The following USP33 variants were observed in gnomAD, a reference collection of about 807,000 sequenced individuals.
USP33 encodes the protein ubiquitin specific peptidase 33.
Under a neutral mutation model 124.2 loss-of-function variants are expected in USP33, and 46 were observed. The observed-to-expected ratio is 0.37, with a 90% CI of 0.29 to 0.47. USP33 has a LOEUF of 0.47. USP33 is among the 20% of genes least tolerant of loss of function. The pLI is 0.99. For missense variants in USP33, 851 were observed against 1,070.6 expected, an observed-to-expected ratio of 0.79 and a Z score of 2.86; for synonymous variants, 350 against 352.3, an observed-to-expected ratio of 0.99 and a Z score of 0.07.
chr1:77,717,248 G>A (rs186894940), intron 17 of USP33, among the ~76,000 whole-genome samples: 2,022 of 152,106 alleles, frequency 0.013, 41 homozygotes, highest in African/African-American at 0.047. Context: ...CCACCACTTC[G>A]GGAGGCCGAG....
chr1:77,740,840 T>C, intron 4 of USP33, 37 bp downstream of exon 4: 1 of 1,471,816 alleles, frequency 6.8e-7, no homozygotes, highest in South Asian at 1.3e-5. Context: ...AGGCACTTTT[T>C]TTAACAAGTC....
At position 77,725,700 on chromosome 1, in the gene USP33, C is replaced by A; in HGVS notation, c.1198G>T (p.Gly400Cys). The A allele has an allele frequency of 6.2e-7, 1 of 1,614,040 alleles. No individual in the cohort carries two copies. Among genetic ancestry groups the A allele is most frequent in the Non-Finnish European group, 8.5e-7 (1 of 1,179,992 alleles). ...STPQILPSNE[G>C]VNPRLSASPP... Reference sequence around the variant, plus strand: ...CTTGCCGATAAACGTGGATTAACACCTTCATTTGATGGAAGGATCTGTGGT... The same window carrying A: ...CTTGCCGATAAACGTGGATTAACACATTCATTTGATGGAAGGATCTGTGGT... Residue 400 changes from glycine to cysteine, a missense_variant, in exon 11 of 24, where the codon GGT (glycine) becomes TGT (cysteine). Gly to Cys is a radical substitution (Grantham distance 159). Around this residue, in one of 4 missense-constraint regions of USP33, gnomAD observed 207 missense variants for 200.9 expected, o/e 1.03. Transcript: ENST00000370794.
In USP33 at chr1:77,734,435, C is replaced by T; in HGVS notation, c.455-19G>A. The T allele has an allele frequency of 6.8e-7, 1 of 1,473,416 alleles. No individual in the cohort carries two copies. The highest frequency in any genetic ancestry group is 1.2e-5 in the South Asian group (1 of 81,076). 91.3% of individuals were successfully genotyped at this position (1,473,416 alleles called of 1,614,324 possible). A position where few individuals can be genotyped will look rare whatever the true frequency, so the allele number is the denominator to read the frequency against. On this transcript the variant is annotated intron_variant, in intron 6 of 23. Coordinates refer to ENST00000370794, the MANE Select transcript of USP33 (RefSeq NM_201624.3). ...GTAAGACCTATTAAGAAAAAATATA[C>T]ATGAAGTCATCATTCAATAATGCAA...
chr1:77,717,922 A>G lies in USP33; in HGVS notation c.1863T>C (p.Ala621=). ...ACAGAAGATCATATGTCACAATTTG[A>G]GCTGGACTATCCTTAGCAAGAAATG... The part of the protein sequence containing the change: ...LQPFLAKDSP[A]QIVTYDLLSV... Residue 621 remains alanine, a synonymous_variant, in exon 17 of 24, where the codon GCT becomes GCC. Transcript: ENST00000370794. 6.2e-7 allele frequency: 1 copy of G among 1,613,790 alleles called. No homozygotes were observed. Among genetic ancestry groups the G allele is most frequent in the Non-Finnish European group, 8.5e-7 (1 of 1,179,862 alleles).
chr1:77,710,062 T>C (rs932884293), intron 21 of USP33, among the ~76,000 whole-genome samples: 2 of 152,194 alleles, frequency 1.3e-5, no homozygotes, highest in African/African-American at 4.8e-5. Flanking sequence ...ATTACACGTA[T>C]GTCTTGATCA....
At position 77,720,600 on chromosome 1, in the gene USP33, T is replaced by G. The variant is rs1676465258; in HGVS notation, c.1691+572A>C. 3.0e-6 allele frequency: 3 copies of G among 985,334 alleles called. No homozygotes were observed. In the South Asian group the frequency reaches 1.4e-4, roughly 46 times the overall value. The allele number at this position is 985,334 out of a possible 1,614,324, so 61.0% of individuals were successfully genotyped here. On this transcript the variant is annotated intron_variant, in intron 15 of 23. Coordinates refer to ENST00000370794, the MANE Select transcript of USP33 (RefSeq NM_201624.3). ...GCCGTTGCATTCCTATTACAGAGATTGAGAAGAAATTTCCAGTTCACTTTG... is the reference window on the plus strand; with the variant it reads ...GCCGTTGCATTCCTATTACAGAGATGGAGAAGAAATTTCCAGTTCACTTTG...
chr1:77,759,007 T>C (rs1283377310), intron 1 of USP33, among the ~76,000 whole-genome samples: 1 of 152,146 alleles, frequency 6.6e-6, no homozygotes, highest in African/African-American at 2.4e-5. Context: ...AATATTCAAA[T>C]GAAGAGCGTT....
At chr1:77,698,418 T>C (rs1367239252) in intron 22 of USP33, among the ~76,000 whole-genome samples, 1 of 151,706 alleles carries the variant, frequency 6.6e-6, no homozygotes, top group Non-Finnish European at 1.5e-5. Flanking sequence ...TCGTTTTTAG[T>C]TCTTAGTTCC....
chr1:77,729,062 G>C (rs1300299037), intron 9 of USP33, among the ~76,000 whole-genome samples: 3 of 152,126 alleles, frequency 2.0e-5, no homozygotes, highest in African/African-American at 7.2e-5. Flanking sequence ...ACCACACCTG[G>C]TTGATACATA....
chr1:77,698,002 C>T (rs1051239560), intron 22 of USP33, 71 bp from the exon 23 acceptor site: 1 of 1,267,202 alleles, frequency 7.9e-7, no homozygotes, highest in Non-Finnish European at 1.1e-6. Context: ...TTGTGCTTGA[C>T]AAAATTGTGA....
chr1:77,716,248 T>TG (rs2101322435), intron 17 of USP33, among the ~76,000 whole-genome samples: 1 of 152,146 alleles, frequency 6.6e-6, no homozygotes, highest in South Asian at 2.1e-4. Context: ...TTTTTACAGA[T>TG]GGGGTCTTGC....
rs192373198 is a variant in USP33, at chr1:77,730,910, C to A, written c.525-179G>T. Among the ~76,000 whole-genome samples, 456 of 152,244 alleles carry A rather than the reference C, an allele frequency of 3.0e-3. 2 individuals are homozygous for A. The highest frequency in any genetic ancestry group is 0.01 in the African/African-American group (436 of 41,552). On this transcript the variant is annotated intron_variant, in intron 7 of 23. Transcript: ENST00000370794. ...CTCAATCCATTCAAATCAGATTTGG[C>A]CCCAGCATATCAAGAGTCCTCCATG... is the stretch of plus-strand genomic sequence containing the variant.
At chr1:77,747,240 CT>C (rs752560478) in intron 1 of USP33, among the ~76,000 whole-genome samples, 1,966 of 103,858 alleles carry the variant, frequency 0.019, 22 homozygotes, top group South Asian at 0.11. Flanking sequence ...GGCTTCTGGG[CT>C]TTTTTTTTTT....
intron 21 of USP33, among the ~76,000 whole-genome samples, chr1:77,711,220 T>C (rs971517574): frequency 4.7e-5 from 7 of 149,218 alleles, no homozygotes; most frequent in Admixed American, 4.0e-4. Flanking sequence ...GTATTGTCAA[T>C]CCATAAAAGC....
At chr1:77,737,027 G>A (rs954547894) in intron 5 of USP33, among the ~76,000 whole-genome samples, 1 of 151,682 alleles carries the variant, frequency 6.6e-6, no homozygotes, top group Non-Finnish European at 1.5e-5. Flanking sequence ...TTAGCCAAAT[G>A]CTAGTAAACA....
intron 1 of USP33, among the ~76,000 whole-genome samples, chr1:77,753,327 C>T (rs1680514143): frequency 6.6e-6 from 1 of 151,992 alleles, no homozygotes; most frequent in Admixed American, 6.6e-5. Context: ...GTGGCTCACA[C>T]CTGTAATCCC....
intron 4 of USP33, among the ~76,000 whole-genome samples, chr1:77,740,279 A>ACCTAAG (rs1455131675): frequency 6.6e-6 from 1 of 152,152 alleles, no homozygotes; most frequent in Non-Finnish European, 1.5e-5. Flanking sequence ...CATGTCATAA[A>ACCTAAG]CCTAAGCACC....
intron 19 of USP33, 149 bp from the exon 20 acceptor site, chr1:77,713,430 A>G (rs1231695148): frequency 1.6e-6 from 1 of 643,884 alleles, no homozygotes; most frequent in Non-Finnish European, 2.5e-6. Flanking sequence ...CACCCAGTCC[A>G]GAGAGTGCAG....
rs1279982915 is a variant in USP33 at position 77,759,628 on chromosome 1, C to G, written c.-52+15G>C. ...CCCTTGGGCCCCGCGCCCCTCCCAG[C>G]AGCGCCGCGCTCACCTCCACGGCCT... On this transcript the variant is annotated intron_variant, in intron 1 of 23. Coordinates refer to ENST00000370794, the MANE Select transcript of USP33 (RefSeq NM_201624.3). 1 of 398,578 alleles carries G rather than the reference C, an allele frequency of 2.5e-6. No individual in the cohort carries two copies. The highest frequency in any genetic ancestry group is 4.4e-6 in the Non-Finnish European group (1 of 226,186). The allele number at this position is 398,578 out of a possible 1,614,324, so 24.7% of individuals were successfully genotyped here. A position where few individuals can be genotyped will look rare whatever the true frequency, so the allele number is the denominator to read the frequency against.
Sources: allele counts gnomAD v4.1 joint callset (sites outside exome capture counted in the v4.1 genomes callset), GRCh38; gene constraint gnomAD v4.1.1; regional missense constraint gnomAD v4.1.1; transcripts MANE v1.5; gene names NCBI Gene and HGNC (gene_info 2026-07-23, HGNC 2026-07-21).